MFAP3L: variants seen among roughly 807,000 people sequenced by gnomAD.
The protein encoded by MFAP3L is microfibril associated protein 3 like.
A neutral mutation model predicts 20.0 loss-of-function variants in MFAP3L; 5 were observed. The ratio of observed to expected loss-of-function variants is 0.25; its 90% CI spans 0.13 to 0.53. The LOEUF (loss-of-function observed/expected upper bound fraction) is 0.53, where lower values mean the gene tolerates loss of function less well. Among genes scored for constraint, MFAP3L ranks in the 20% least tolerant of loss-of-function variants. The pLI is 0.96. For missense variants in MFAP3L, 409 were observed against 527.5 expected, an observed-to-expected ratio of 0.78 and a Z score of 2.20; for synonymous variants, 219 against 213.0, an observed-to-expected ratio of 1.03 and a Z score of -0.25.
At chr4:170,002,573 G>A (rs1229872980) in intron 2 of MFAP3L, among the ~76,000 whole-genome samples, 5 of 151,632 alleles carry the variant, frequency 3.3e-5, no homozygotes, top group African/African-American at 7.3e-5. Flanking sequence ...GCAGTGGCGC[G>A]ATCTCAGCTC....
chr4:170,019,655 C>T (rs1739908041), intron 1 of MFAP3L, among the ~76,000 whole-genome samples: 1 of 152,198 alleles, frequency 6.6e-6, no homozygotes, highest in South Asian at 2.1e-4. Context: ...TCAGCCTGCA[C>T]CTGAACTGGG....
chr4:170,013,735 AT>A (rs1241238985), intron 1 of MFAP3L, among the ~76,000 whole-genome samples: 1 of 152,206 alleles, frequency 6.6e-6, no homozygotes, highest in African/African-American at 2.4e-5. Flanking sequence ...CAGGTATATC[AT>A]TTAGAAGAGT....
chr4:170,016,823 A>G (rs1038975386), intron 1 of MFAP3L, among the ~76,000 whole-genome samples: 1 of 152,212 alleles, frequency 6.6e-6, no homozygotes, highest in Admixed American at 6.5e-5. Context: ...GTATAACCCA[A>G]AATTTCTTTA....
intron 2 of MFAP3L, among the ~76,000 whole-genome samples, chr4:170,002,760 G>A (rs892811187): frequency 6.6e-6 from 1 of 151,526 alleles, no homozygotes; most frequent in African/African-American, 2.4e-5. Context: ...CACCCACCTC[G>A]GCCTCCCAAA....
intron 2 of MFAP3L, among the ~76,000 whole-genome samples, chr4:169,995,496 C>T (rs1030315247): frequency 2.0e-5 from 3 of 152,226 alleles, no homozygotes; most frequent in African/African-American, 7.2e-5. Context: ...TGTTTGGAGG[C>T]TCCTCCCGCA....
At chr4:170,007,180 GC>G (rs1197036491) in intron 1 of MFAP3L, among the ~76,000 whole-genome samples, 2 of 152,038 alleles carry the variant, frequency 1.3e-5, no homozygotes, top group African/African-American at 2.4e-5. Flanking sequence ...GTTTTGTTTT[GC>G]CATAGATTTC....
rs1737447456 is a variant in MFAP3L, at chr4:169,988,694, G to C, written c.*2684C>G. On this transcript the variant is annotated 3_prime_UTR_variant, in exon 3 of 3. Transcript: ENST00000361618. ...TCATAAAGAAGCTGTAGGATGGATA[G>C]GAAGAGTGTAGCATTTTTGGAAGGA... The C allele has an allele frequency of 6.6e-6, 1 of 152,210 alleles. No individual in the cohort carries two copies. Among genetic ancestry groups the C allele is most frequent in the South Asian group, 2.1e-4 (1 of 4,836 alleles). The allele number at this position is 152,210 out of a possible 1,614,324, so 9.4% of individuals were successfully genotyped here.
chr4:170,003,868 G>A (rs980284166), intron 2 of MFAP3L: 1 of 985,138 alleles, frequency 1.0e-6, no homozygotes, highest in Non-Finnish European at 1.2e-6. Flanking sequence ...GACTTGTCCT[G>A]GAGGAAGTGG....
rs532086492 is a variant in MFAP3L at position 169,991,719 on chromosome 4, C to G, written c.889G>C (p.Asp297His). 1.9e-6 allele frequency: 3 copies of G among 1,614,094 alleles called. No individual in the cohort carries two copies. Among genetic ancestry groups the G allele is most frequent in the Admixed American group, 1.7e-5 (1 of 60,016 alleles). Residue 297 changes from aspartate to histidine, a missense_variant, in exon 3 of 3, where the codon GAC becomes CAC. Transcript: ENST00000361618. The surrounding 1 kb of genome is among the most constrained non-coding windows in gnomAD (Gnocchi z 4.9). ...GCGTCCGAGTCAGCGGCAGGGGAGT[C>G]GCTCCGCTTCAGAGAGTTGGGGATT... ...YTIPNSLKRS[D>H]SPAADSDASS... is the part of the protein sequence containing the mutation.
intron 1 of MFAP3L, among the ~76,000 whole-genome samples, chr4:170,025,964 C>T (rs1730358116): frequency 1.3e-5 from 2 of 152,124 alleles, no homozygotes; most frequent in African/African-American, 4.8e-5. Flanking sequence ...CCGCGCTCCT[C>T]GCCCTCGGAA....
At chr4:170,022,938 C>T (rs1340471838) in intron 1 of MFAP3L, among the ~76,000 whole-genome samples, 3 of 152,192 alleles carry the variant, frequency 2.0e-5, no homozygotes, top group African/African-American at 4.8e-5. Flanking sequence ...CCTGTATAAT[C>T]CTGAATAACC....
intron 2 of MFAP3L, chr4:170,003,739 C>G: frequency 1.0e-6 from 1 of 985,380 alleles, no homozygotes; most frequent in Non-Finnish European, 1.2e-6. Context: ...ATTCAGTCAC[C>G]GTGGGTTCCC....
intron 1 of MFAP3L, among the ~76,000 whole-genome samples, chr4:170,018,110 G>C (rs946042968): frequency 4.6e-5 from 7 of 152,170 alleles, no homozygotes; most frequent in African/African-American, 1.7e-4. Context: ...GCAATTATGG[G>C]CTAAACTAGG....
intron 2 of MFAP3L, among the ~76,000 whole-genome samples, chr4:170,003,187 T>C (rs1738792637): frequency 6.6e-6 from 1 of 152,210 alleles, no homozygotes; most frequent in Non-Finnish European, 1.5e-5. Flanking sequence ...TCACGAGTTC[T>C]TTTTAAAACT....
intron 1 of MFAP3L, among the ~76,000 whole-genome samples, chr4:170,007,130 T>C (rs1560981764): frequency 1.3e-5 from 2 of 152,242 alleles, no homozygotes. Context: ...GATGATAAAT[T>C]AGCTTCAGAT....
intron 2 of MFAP3L, among the ~76,000 whole-genome samples, chr4:169,999,567 A>T (rs1738465987): frequency 6.6e-6 from 1 of 151,954 alleles, no homozygotes; most frequent in Admixed American, 6.6e-5. Context: ...AAATAACAGC[A>T]CCCTACACTT....
intron 1 of MFAP3L, among the ~76,000 whole-genome samples, chr4:170,025,864 G>C (rs914982268): frequency 7.2e-5 from 11 of 152,192 alleles, no homozygotes; most frequent in Admixed American, 5.9e-4. Flanking sequence ...CGATGAGAGA[G>C]ATCCAGAGCC....
intron 1 of MFAP3L, among the ~76,000 whole-genome samples, chr4:170,020,266 A>T (rs1739944736): frequency 6.6e-6 from 1 of 152,072 alleles, no homozygotes; most frequent in Non-Finnish European, 1.5e-5. Flanking sequence ...GTTCACTATA[A>T]AGACATTGTT....
chr4:169,993,571 G>A (rs1009177392), intron 2 of MFAP3L: 1 of 152,144 alleles, frequency 6.6e-6, no homozygotes, highest in African/African-American at 2.4e-5. Context: ...TACGGAATAA[G>A]GCAACACAGG....
Sources: gnomAD v4.1 joint callset for allele counts (sites outside exome capture counted in the v4.1 genomes callset) on GRCh38, gnomAD v4.1.1 for gene constraint, Gnocchi (gnomAD v3.1) non-coding constraint, MANE v1.5 for transcripts, NCBI Gene and HGNC (gene_info 2026-07-23, HGNC 2026-07-21) for gene names.